ELP4: variants seen among roughly 807,000 people sequenced by gnomAD.
The protein encoded by ELP4 is elongator complex protein 4.
ELP4 carries 51 observed loss-of-function variants against 48.9 expected under a neutral mutation model. The ratio of observed to expected loss-of-function variants is 1.04; its 90% CI spans 0.83 to 1.32. The LOEUF (loss-of-function observed/expected upper bound fraction) is 1.32. ELP4 is among the 40% of genes most tolerant of loss of function. The pLI is 0.00. For missense variants in ELP4, 519 were observed against 514.6 expected (o/e 1.01, Z -0.08); for synonymous variants, 210 against 189.2 (o/e 1.11, Z -0.90).
chr11:31,692,600 T>C (rs1449770876), intron 9 of ELP4, among the ~76,000 whole-genome samples: 1 of 152,068 alleles, frequency 6.6e-6, no homozygotes, highest in East Asian at 1.9e-4. Flanking sequence ...TTTGGAAGAG[T>C]ACACAGTGAC....
At chr11:31,553,147 A>G (rs1592110800) in intron 3 of ELP4, among the ~76,000 whole-genome samples, 2 of 152,284 alleles carry the variant, frequency 1.3e-5, no homozygotes, top group South Asian at 2.1e-4. Flanking sequence ...TTACTTCTGT[A>G]TTAGTTCATT....
intron 1 of ELP4, chr11:31,510,367 C>T (rs1955967151): frequency 2.2e-6 from 1 of 459,542 alleles, no homozygotes; most frequent in Admixed American, 3.6e-5. Flanking sequence ...CTGCTTTCTC[C>T]AGGCAGCTCA....
At chr11:31,611,835 A>C (rs1957986227) in intron 5 of ELP4, among the ~76,000 whole-genome samples, 1 of 152,206 alleles carries the variant, frequency 6.6e-6, no homozygotes, top group South Asian at 2.1e-4. Flanking sequence ...TAAAGAAAAA[A>C]CATTTTCTAT....
intron 1 of ELP4, among the ~76,000 whole-genome samples, chr11:31,512,941 C>T (rs998039885): frequency 6.6e-6 from 1 of 151,936 alleles, no homozygotes; most frequent in Non-Finnish European, 1.5e-5. Flanking sequence ...GATTTGACCT[C>T]TGTGCTGTTA....
chr11:31,698,401 A>G (rs1024506839), intron 9 of ELP4, among the ~76,000 whole-genome samples: 1 of 152,100 alleles, frequency 6.6e-6, no homozygotes, highest in Non-Finnish European at 1.5e-5. Context: ...TTACAATTAC[A>G]TTGCGACAGC....
chr11:31,645,542 C>A (rs989102459), intron 7 of ELP4: 1 of 151,576 alleles, frequency 6.6e-6, no homozygotes, highest in African/African-American at 2.4e-5. Context: ...TGAGAAAGTC[C>A]TAGTTTATAT....
chr11:31,619,663 G>T (rs1448993990), intron 5 of ELP4, among the ~76,000 whole-genome samples: 4 of 145,256 alleles, frequency 2.8e-5, no homozygotes, highest in Admixed American at 6.9e-5. Context: ...GTTTTTTATT[G>T]TTTTTTTTTT....
At chr11:31,724,961 G>A (rs1565127845) in intron 9 of ELP4, among the ~76,000 whole-genome samples, 1 of 152,170 alleles carries the variant, frequency 6.6e-6, no homozygotes, top group East Asian at 1.9e-4. Flanking sequence ...TTGAGATGTT[G>A]AAGGAATTAG....
intron 9 of ELP4, among the ~76,000 whole-genome samples, chr11:31,690,432 T>A (rs7114363): frequency 0.99 from 148,577 of 150,476 alleles, 73,365 homozygotes; most frequent in Non-Finnish European, 1. Flanking sequence ...TAAAAAAAAA[T>A]ATATATATTT....
At chr11:31,510,528 TG>T (rs1955971755) in intron 1 of ELP4, 1 of 405,136 alleles carries the variant, frequency 2.5e-6, no homozygotes, top group South Asian at 1.2e-4. Flanking sequence ...AGAGAGCGAA[TG>T]TTAAAGGCTT....
At chr11:31,579,326 T>C (rs1957344928) in intron 3 of ELP4, among the ~76,000 whole-genome samples, 2 of 152,156 alleles carry the variant, frequency 1.3e-5, no homozygotes, top group African/African-American at 4.8e-5. Context: ...AACACTTTTA[T>C]ACTGTTGGTG....
intron 9 of ELP4, among the ~76,000 whole-genome samples, chr11:31,782,110 A>C (rs1333279103): frequency 6.6e-6 from 1 of 152,198 alleles, no homozygotes; most frequent in Non-Finnish European, 1.5e-5. Context: ...TATTTGTATT[A>C]AAAATAAGTA....
chr11:31,575,247 C>A (rs945261680), intron 3 of ELP4, among the ~76,000 whole-genome samples: 6 of 151,994 alleles, frequency 3.9e-5, no homozygotes, highest in Non-Finnish European at 7.4e-5. Context: ...AGAAAAAAGA[C>A]TAAAAAGAAA....
chr11:31,655,914 A>G (rs1346359602), intron 9 of ELP4, among the ~76,000 whole-genome samples: 1 of 152,058 alleles, frequency 6.6e-6, no homozygotes, highest in Non-Finnish European at 1.5e-5. Flanking sequence ...GGCAACCTGA[A>G]TATCAAACTT....
intron 7 of ELP4, among the ~76,000 whole-genome samples, chr11:31,641,874 G>T (rs749718523): frequency 6.6e-6 from 1 of 151,930 alleles, no homozygotes; most frequent in Non-Finnish European, 1.5e-5. Flanking sequence ...TCAGCTGGAT[G>T]CTCTGTTTGA....
chr11:31,546,160 A>G (rs1813502834), intron 3 of ELP4, among the ~76,000 whole-genome samples: 1 of 152,116 alleles, frequency 6.6e-6, no homozygotes, highest in African/African-American at 2.4e-5. Context: ...TAAATGGACT[A>G]AATGCTCCAA....
At chr11:31,734,804 G>A (rs556833423) in intron 9 of ELP4, among the ~76,000 whole-genome samples, 81 of 152,254 alleles carry the variant, frequency 5.3e-4, no homozygotes, top group Non-Finnish European at 1.0e-3. Context: ...CAATCTACAC[G>A]TTCAATGCAA....
intron 9 of ELP4, among the ~76,000 whole-genome samples, chr11:31,721,901 T>C (rs1946968796): frequency 1.3e-5 from 2 of 152,224 alleles, no homozygotes; most frequent in African/African-American, 4.8e-5. Flanking sequence ...CTTGTTGTAA[T>C]GATAATGAGT....
intron 9 of ELP4, among the ~76,000 whole-genome samples, chr11:31,690,722 G>A (rs1036042472): frequency 1.3e-5 from 2 of 150,244 alleles, no homozygotes; most frequent in Admixed American, 1.3e-4. Flanking sequence ...TTCTTATCTG[G>A]TAGTAACTAG....
Sources: allele counts gnomAD v4.1 joint callset (sites outside exome capture counted in the v4.1 genomes callset), GRCh38; gene constraint gnomAD v4.1.1; transcripts MANE v1.5; gene names NCBI Gene and HGNC (gene_info 2026-07-23, HGNC 2026-07-21).